The following FRY variants were observed in gnomAD, a reference collection of about 807,000 sequenced individuals.
FRY encodes the protein FRY microtubule binding protein, also known as protein furry homolog.
In FRY, 128 loss-of-function variants were observed where a neutral mutation model predicts 348.4. That is an observed-to-expected ratio of 0.37 (90% CI 0.32 to 0.43). FRY has a LOEUF of 0.43. Ranked by LOEUF, FRY falls within the 20% of genes least tolerant of loss-of-function variation. The pLI, the probability that FRY is intolerant of heterozygous loss-of-function variation, is 1.00. For missense variants in FRY, 2,736 were observed against 3,695.2 expected (o/e 0.74, Z 6.73); for synonymous variants, 1,370 against 1,374.7 (o/e 1.00, Z 0.08).
intron 1 of FRY, 27 bp downstream of exon 1, chr13:32,031,892 T>A (rs768107190): frequency 2.4e-6 from 3 of 1,257,058 alleles, no homozygotes; most frequent in African/African-American, 2.9e-5. Flanking sequence ...AACCTTTTTG[T>A]TTGTTTGTTT....
chr13:32,247,875 G>A lies in FRY; in HGVS notation c.7008+373G>A, dbSNP rs766608317. ...ATGACAGCCAGTTCAGCAGATGACCGAAATTTACAGGAATATAGACTCCAC... is the reference window on the plus strand; with the variant it reads ...ATGACAGCCAGTTCAGCAGATGACCAAAATTTACAGGAATATAGACTCCAC... On this transcript the variant is annotated intron_variant, in intron 48 of 60. Coordinates refer to ENST00000542859, the MANE Select transcript of FRY (RefSeq NM_023037.3). Among the ~76,000 whole-genome samples the A allele has an allele frequency of 3.3e-5, 5 of 152,130 alleles. No homozygotes were observed. The East Asian group carries it at 7.7e-4, about 23-fold the overall frequency.
At chr13:32,255,817 T>C (rs1329507231) in intron 51 of FRY, among the ~76,000 whole-genome samples, 1 of 152,196 alleles carries the variant, frequency 6.6e-6, no homozygotes, top group Non-Finnish European at 1.5e-5. Flanking sequence ...GTTCAGCTAG[T>C]GTCAAAAGAC....
chr13:32,155,286 C>A (rs1881044474), intron 14 of FRY, among the ~76,000 whole-genome samples: 1 of 152,212 alleles, frequency 6.6e-6, no homozygotes, highest in African/African-American at 2.4e-5. Flanking sequence ...GAAATCTCCC[C>A]TGTTGTTTTC....
intron 4 of FRY, among the ~76,000 whole-genome samples, chr13:32,123,983 G>A (rs767066998): frequency 2.0e-5 from 3 of 151,956 alleles, no homozygotes; most frequent in African/African-American, 4.8e-5. Flanking sequence ...TACAGGCATG[G>A]GCTACCATGC....
chr13:32,058,005 C>T (rs1873736889), intron 1 of FRY, among the ~76,000 whole-genome samples: 1 of 151,910 alleles, frequency 6.6e-6, no homozygotes. Context: ...CATCAGGCCA[C>T]ACAGAAGCAG....
At chr13:32,115,512 A>G (rs917281551) in intron 3 of FRY, among the ~76,000 whole-genome samples, 4 of 152,108 alleles carry the variant, frequency 2.6e-5, no homozygotes, top group Admixed American at 6.6e-5. Flanking sequence ...GAGTCTTCTC[A>G]TTTTCTAGAG....
At chr13:32,049,214 C>T (rs1873190040) in intron 1 of FRY, among the ~76,000 whole-genome samples, 1 of 152,072 alleles carries the variant, frequency 6.6e-6, no homozygotes, top group Non-Finnish European at 1.5e-5. Flanking sequence ...GACATTTGAA[C>T]ATGAAGACTG....
chr13:32,280,279 C>A (rs993554576), intron 58 of FRY, among the ~76,000 whole-genome samples: 1 of 152,108 alleles, frequency 6.6e-6, no homozygotes, highest in African/African-American at 2.4e-5. Context: ...CATAATGTCT[C>A]CCATAAGCAA....
At chr13:32,041,283 C>CTTTTTT (rs11286980) in intron 1 of FRY, among the ~76,000 whole-genome samples, 4 of 65,046 alleles carry the variant, frequency 6.1e-5, no homozygotes, top group Admixed American at 2.4e-4. Flanking sequence ...TAATCTTCTG[C>CTTTTTT]TTTTTTTTTT....
chr13:32,251,202 T>C (rs1422149759), intron 49 of FRY, among the ~76,000 whole-genome samples: 1 of 152,226 alleles, frequency 6.6e-6, no homozygotes, highest in Non-Finnish European at 1.5e-5. Flanking sequence ...ACCTGGGTTA[T>C]CTGCCACTGG....
chr13:32,170,398 A>G, intron 17 of FRY, among the ~76,000 whole-genome samples: 1 of 152,226 alleles, frequency 6.6e-6, no homozygotes, highest in East Asian at 1.9e-4. Flanking sequence ...CTCAATATTA[A>G]GTTCTTAGTT....
At chr13:32,218,710 CAT>C (rs1885142198) in intron 35 of FRY, 37 bp from the exon 36 acceptor site, 4 of 1,119,242 alleles carry the variant, frequency 3.6e-6, no homozygotes, top group Non-Finnish European at 5.4e-6. Context: ...CATATGCACA[CAT>C]GTTAATATTT....
At chr13:32,120,249 G>T (rs1009229333) in intron 4 of FRY, among the ~76,000 whole-genome samples, 4 of 152,008 alleles carry the variant, frequency 2.6e-5, no homozygotes, top group Non-Finnish European at 5.9e-5. Flanking sequence ...AGAAATTGCC[G>T]ATAAATAGAA....
rs1171980889 is a variant in FRY at position 32,299,020 on chromosome 13, T to C, written c.*3560T>C. ...ATAACAAAAGTTCCGTTGTGGTGGT[T>C]ATACAGCATTGTGAATGTACTTAAT... On this transcript the variant is annotated 3_prime_UTR_variant, in exon 61 of 61. Coordinates refer to ENST00000542859, the MANE Select transcript of FRY (RefSeq NM_023037.3). The C allele has an allele frequency of 1.3e-5, 2 of 152,232 alleles. No homozygotes were observed. The highest frequency in any genetic ancestry group is 2.9e-5 in the Non-Finnish European group (2 of 68,028). 9.4% of individuals were successfully genotyped at this position (152,232 alleles called of 1,614,324 possible).
intron 58 of FRY, among the ~76,000 whole-genome samples, chr13:32,287,453 A>C (rs1488454599): frequency 6.6e-6 from 1 of 152,254 alleles, no homozygotes; most frequent in Non-Finnish European, 1.5e-5. Context: ...ACAAAGCAAT[A>C]GTCTAATTTG....
At chr13:32,193,063 G>A (rs1303591796) in intron 28 of FRY, among the ~76,000 whole-genome samples, 1 of 151,562 alleles carries the variant, frequency 6.6e-6, no homozygotes, top group Non-Finnish European at 1.5e-5. Flanking sequence ...TTTCTGAGAA[G>A]AAAGTAACAT....
chr13:32,266,013 G>A (rs959397969), intron 54 of FRY, among the ~76,000 whole-genome samples: 3 of 152,034 alleles, frequency 2.0e-5, no homozygotes, highest in African/African-American at 4.8e-5. Context: ...TTAAGTGGGT[G>A]TCTTTTGGCC....
At chr13:32,168,274 G>C (rs767824832) in intron 17 of FRY, among the ~76,000 whole-genome samples, 1 of 152,178 alleles carries the variant, frequency 6.6e-6, no homozygotes, top group African/African-American at 2.4e-5. Context: ...AAGTCTAAAG[G>C]CTGTTGAATT....
At chr13:32,054,140 C>T (rs1046690221) in intron 1 of FRY, among the ~76,000 whole-genome samples, 4 of 151,996 alleles carry the variant, frequency 2.6e-5, no homozygotes, top group African/African-American at 9.6e-5. Flanking sequence ...ATGTTTTGAA[C>T]GAAAATATGA....
Sources: gnomAD v4.1 joint callset for allele counts (sites outside exome capture counted in the v4.1 genomes callset) on GRCh38, gnomAD v4.1.1 for gene constraint, MANE v1.5 for transcripts, NCBI Gene and HGNC (gene_info 2026-07-23, HGNC 2026-07-21) for gene names.